PLEKHA3: variants seen among roughly 807,000 people sequenced by gnomAD.
PLEKHA3 encodes pleckstrin homology domain containing A3, also known as pleckstrin homology domain-containing family A member 3.
PLEKHA3 carries 19 observed loss-of-function variants against 39.2 expected under a neutral mutation model. That is an observed-to-expected ratio of 0.48 (90% confidence interval 0.34 to 0.71). The LOEUF is 0.71. Ranked by LOEUF, PLEKHA3 falls within the 30% of genes least tolerant of loss-of-function variation. PLEKHA3 has a pLI of 0.01. For synonymous variants in PLEKHA3, 97 were observed against 118.6 expected, an observed-to-expected ratio of 0.82 and a Z score of 1.18; for missense variants, 253 against 359.5, an observed-to-expected ratio of 0.70 and a Z score of 2.40.
chr2:178,492,443 A>G (rs1341123366), intron 3 of PLEKHA3, among the ~76,000 whole-genome samples: 1 of 133,222 alleles, frequency 7.5e-6, no homozygotes, highest in African/African-American at 2.9e-5. Flanking sequence ...CCTTATAGAC[A>G]TTACAATAAG....
intron 1 of PLEKHA3, among the ~76,000 whole-genome samples, chr2:178,482,558 A>G (rs1385235404): frequency 6.7e-6 from 1 of 148,884 alleles, no homozygotes; most frequent in Non-Finnish European, 1.5e-5. Flanking sequence ...GTCTCAAAAA[A>G]AAAAAAAAAA....
At position 178,514,610 on chromosome 2, in the gene PLEKHA3, A is replaced by G. The variant is rs774672831; in HGVS notation, c.*10723A>G. 5 of 152,094 alleles carry G rather than the reference A, an allele frequency of 3.3e-5. No individual in the cohort carries two copies. Among genetic ancestry groups the G allele is most frequent in the African/African-American group, 7.2e-5 (3 of 41,428 alleles). 9.4% of individuals were successfully genotyped at this position (152,094 alleles called of 1,614,324 possible). ...TAATGTGTATATCCTTCACTTATTA[A>G]TAGTGCCTTCATGAATTCAAAGACC... On this transcript the variant is annotated 3_prime_UTR_variant, in exon 8 of 8. Coordinates refer to ENST00000234453, the MANE Select transcript of PLEKHA3 (RefSeq NM_019091.4).
chr2:178,500,416 T>G lies in PLEKHA3; in HGVS notation c.660-645T>G, dbSNP rs1453031677. On this transcript the variant is annotated intron_variant, in intron 6 of 7. Coordinates refer to ENST00000234453, the MANE Select transcript of PLEKHA3 (RefSeq NM_019091.4). ...CAACTTTTATTTTTATGAAAGAAAT[T>G]TTTCTATCCTTTCTACCTCATAAAA... Among the ~76,000 whole-genome samples, 3 of 152,034 alleles carry G rather than the reference T, an allele frequency of 2.0e-5. No individual in the cohort carries two copies. The East Asian group carries it at 5.8e-4, about 29-fold the overall frequency.
At chr2:178,483,176 T>C (rs1401945032) in intron 1 of PLEKHA3, among the ~76,000 whole-genome samples, 1 of 152,098 alleles carries the variant, frequency 6.6e-6, no homozygotes, top group Non-Finnish European at 1.5e-5. Context: ...TGAGAATTAT[T>C]TGAGCCTGGG....
At chr2:178,490,510 C>T in intron 2 of PLEKHA3, 149 bp from the exon 3 acceptor site, 1 of 725,094 alleles carries the variant, frequency 1.4e-6, no homozygotes, top group South Asian at 2.7e-5. Flanking sequence ...CTGGGTGGCC[C>T]CTCAGGGAGC....
Position 178,507,605 on chromosome 2 carries a change from C to T in PLEKHA3, c.*3718C>T, listed in dbSNP as rs13023782. 8.3e-6 allele frequency: 1 copy of T among 120,082 alleles called. No homozygotes were observed. The highest frequency in any genetic ancestry group is 1.7e-5 in the Non-Finnish European group (1 of 60,104). 7.4% of individuals were successfully genotyped at this position (120,082 alleles called of 1,614,324 possible). A position where few individuals can be genotyped will look rare whatever the true frequency, so the allele number is the denominator to read the frequency against. On this transcript the variant is annotated 3_prime_UTR_variant, in exon 8 of 8. Coordinates refer to ENST00000234453, the MANE Select transcript of PLEKHA3 (RefSeq NM_019091.4). ...TGTACTGTTGCCCTCCAGGCCTGTT[C>T]TATGGTTCAGCAGTCATTCTGAAAC...
intron 7 of PLEKHA3, 57 bp from the exon 8 acceptor site, chr2:178,503,703 A>C: frequency 6.5e-7 from 1 of 1,541,158 alleles, no homozygotes; most frequent in Admixed American, 1.8e-5. Flanking sequence ...GTTCTTTCAC[A>C]GAGGACTGGA....
intron 5 of PLEKHA3, among the ~76,000 whole-genome samples, chr2:178,498,958 C>T (rs2249737): frequency 0.74 from 112,526 of 151,950 alleles, 42,193 homozygotes; most frequent in South Asian, 0.86. Flanking sequence ...ATTTGGTTTT[C>T]ACTTTTGAAA....
rs1466519533 is a variant in PLEKHA3 at position 178,485,646 on chromosome 2, C to T, written c.46C>T (p.Gln16Ter). Residue 16 changes from glutamine (Q) to a stop codon, truncating the protein, a stop_gained, in exon 2 of 8, where the codon CAG becomes TAG. Transcript: ENST00000234453. LOFTEE classifies it high-confidence loss of function. ...GTTATTTATGGTCTTTTTAGGCTGG[C>T]AGCCTCGTTGGTTTGTTTTAGATAA... ...YKWTNYLTGW[Q>*]PRWFVLDNGI... is the part of the protein sequence containing the mutation. 1.9e-6 allele frequency: 3 copies of T among 1,607,398 alleles called. No homozygotes were observed. Among genetic ancestry groups the T allele is most frequent in the African/African-American group, 2.7e-5 (2 of 74,732 alleles).
intron 2 of PLEKHA3, among the ~76,000 whole-genome samples, chr2:178,488,330 C>T (rs887760723): frequency 3.9e-5 from 6 of 152,316 alleles, no homozygotes; most frequent in Admixed American, 3.3e-4. Flanking sequence ...TTCTTCATTT[C>T]AGTGAAATCC....
intron 4 of PLEKHA3, among the ~76,000 whole-genome samples, chr2:178,495,196 T>C (rs1353531647): frequency 6.6e-6 from 1 of 152,238 alleles, no homozygotes; most frequent in Non-Finnish European, 1.5e-5. Context: ...TAGATTTCTC[T>C]AAGATAAACT....
rs201467170 is a variant in PLEKHA3, at chr2:178,511,373, A to AT, written c.*7504dup. 18,838 of 132,196 alleles carry AT rather than the reference A, an allele frequency of 0.14. 1,498 individuals are homozygous for AT. Among genetic ancestry groups the AT allele is most frequent in the South Asian group, 0.28 (1,143 of 4,080 alleles). 8.2% of individuals were successfully genotyped at this position (132,196 alleles called of 1,614,324 possible). On this transcript the variant is annotated 3_prime_UTR_variant, in exon 8 of 8. Coordinates refer to ENST00000234453, the MANE Select transcript of PLEKHA3 (RefSeq NM_019091.4). ...TCCATCTCTGGAACTTTGATCTCTAATTTTTTTTTTTTTTTTTTGAGACAG... is the reference window on the plus strand; with the variant it reads ...TCCATCTCTGGAACTTTGATCTCTAATTTTTTTTTTTTTTTTTTTGAGACAG...
intron 5 of PLEKHA3, among the ~76,000 whole-genome samples, chr2:178,498,430 C>T (rs1348029565): frequency 6.6e-6 from 1 of 152,100 alleles, no homozygotes; most frequent in Non-Finnish European, 1.5e-5. Flanking sequence ...GCTTGTTAGA[C>T]TCTTGGGCTC....
chr2:178,495,428 T>C, intron 4 of PLEKHA3, 68 bp from the exon 5 acceptor site: 1 of 1,412,990 alleles, frequency 7.1e-7, no homozygotes, highest in Non-Finnish European at 9.9e-7. Context: ...TATTATTTAA[T>C]GATAAGGTTG....
chr2:178,512,164 A>C lies in PLEKHA3; in HGVS notation c.*8277A>C, dbSNP rs1685698745. On this transcript the variant is annotated 3_prime_UTR_variant, in exon 8 of 8. Transcript: ENST00000234453. ...AAGTTATCCCTTTATTTAGTATTTA[A>C]ATTCACATGCTTCTTGATTTTTTTG... 6.6e-6 allele frequency: 1 copy of C among 152,204 alleles called. No individual in the cohort carries two copies. The highest frequency in any genetic ancestry group is 1.5e-5 in the Non-Finnish European group (1 of 68,036). The allele number at this position is 152,204 out of a possible 1,614,324, so 9.4% of individuals were successfully genotyped here.
chr2:178,508,498 C>T lies in PLEKHA3; in HGVS notation c.*4611C>T, dbSNP rs1685637074. 6.6e-6 allele frequency: 1 copy of T among 152,230 alleles called. No homozygotes were observed. The highest frequency in any genetic ancestry group is 2.4e-5 in the African/African-American group (1 of 41,356). 9.4% of individuals were successfully genotyped at this position (152,230 alleles called of 1,614,324 possible). On this transcript the variant is annotated 3_prime_UTR_variant, in exon 8 of 8. Coordinates refer to ENST00000234453, the MANE Select transcript of PLEKHA3 (RefSeq NM_019091.4). ...TGGGCTCTTTCATTCTGAAGCCTTT[C>T]TTAGAAATCATCTATTCATATTAGT...
At chr2:178,488,567 TTTGTTGTTG>T (rs909537506) in intron 2 of PLEKHA3, among the ~76,000 whole-genome samples, 1 of 152,146 alleles carries the variant, frequency 6.6e-6, no homozygotes, top group South Asian at 2.1e-4. Context: ...TGGCCCTGTT[TTTGTTGTTG>T]TTGTTGTTGT....
At chr2:178,501,916 C>A in intron 7 of PLEKHA3, among the ~76,000 whole-genome samples, 1 of 151,992 alleles carries the variant, frequency 6.6e-6, no homozygotes. Flanking sequence ...AGGAACAGGT[C>A]GTGTTCCAAT....
chr2:178,505,315 T>C lies in PLEKHA3; in HGVS notation c.*1428T>C, dbSNP rs1685587307. ...TGGTATTTGTTTAAAAAACTGTAAT[T>C]ATAGGCCTTCCATCTTAAGTTTAAG... is the stretch of plus-strand genomic sequence containing the variant. On this transcript the variant is annotated 3_prime_UTR_variant, in exon 8 of 8. Coordinates refer to ENST00000234453, the MANE Select transcript of PLEKHA3 (RefSeq NM_019091.4). 6.6e-6 allele frequency: 1 copy of C among 151,884 alleles called. No homozygotes were observed. Among genetic ancestry groups the C allele is most frequent in the Admixed American group, 6.6e-5 (1 of 15,250 alleles). 9.4% of individuals were successfully genotyped at this position (151,884 alleles called of 1,614,324 possible). A position where few individuals can be genotyped will look rare whatever the true frequency, so the allele number is the denominator to read the frequency against.
Sources: gnomAD v4.1 joint callset for allele counts (sites outside exome capture counted in the v4.1 genomes callset) on GRCh38, gnomAD v4.1.1 for gene constraint, MANE v1.5 for transcripts, NCBI Gene and HGNC (gene_info 2026-07-23, HGNC 2026-07-21) for gene names.